The following TOLLIP variants were observed in gnomAD, a reference collection of about 807,000 sequenced individuals.
TOLLIP encodes the protein toll interacting protein, also known as toll-interacting protein.
A neutral mutation model predicts 33.5 loss-of-function variants in TOLLIP; 16 were observed. The observed-to-expected ratio is 0.48, with a 90% CI of 0.32 to 0.72. The LOEUF is 0.72. Among genes scored for constraint, TOLLIP ranks in the 30% least tolerant of loss-of-function variants. The pLI is 0.03. For missense variants in TOLLIP, 325 were observed against 396.6 expected, an observed-to-expected ratio of 0.82 and a Z score of 1.53; for synonymous variants, 176 against 163.7, an observed-to-expected ratio of 1.07 and a Z score of -0.57.
At chr11:1,291,489 C>T (rs1863940138) in intron 2 of TOLLIP, among the ~76,000 whole-genome samples, 3 of 148,756 alleles carry the variant, frequency 2.0e-5, no homozygotes, top group African/African-American at 7.5e-5. Context: ...TCCACACCAA[C>T]CCCCCTCTGA....
rs943380838 is a variant in TOLLIP at position 1,290,743 on chromosome 11, G to A, written c.184-334C>T. Among the ~76,000 whole-genome samples the A allele has an allele frequency of 6.6e-6, 1 of 152,190 alleles. No homozygotes were observed. Among genetic ancestry groups the A allele is most frequent in the East Asian group, 1.9e-4 (1 of 5,196 alleles). On this transcript the variant is annotated intron_variant, in intron 2 of 5. Coordinates refer to ENST00000317204, the MANE Select transcript of TOLLIP (RefSeq NM_019009.4). This position sits in a 1 kb window ranked among gnomAD's most constrained non-coding sequence, Gnocchi z 4.9. ...TGCCCTCCTCAGAAGTGGCTGAGGA[G>A]GGAAAGAGGAGGAGGTCCCGGGACA...
Position 1,274,802 on chromosome 11 carries a change from G to A in TOLLIP, c.*2237C>T, listed in dbSNP as rs1863232808. 6.6e-6 allele frequency: 1 copy of A among 152,118 alleles called. No individual in the cohort carries two copies. The highest frequency in any genetic ancestry group is 1.5e-5 in the Non-Finnish European group (1 of 68,038). 9.4% of individuals were successfully genotyped at this position (152,118 alleles called of 1,614,324 possible). A position where few individuals can be genotyped will look rare whatever the true frequency, so the allele number is the denominator to read the frequency against. On this transcript the variant is annotated 3_prime_UTR_variant, in exon 6 of 6. Coordinates refer to ENST00000317204, the MANE Select transcript of TOLLIP (RefSeq NM_019009.4). ...CAAACCCACTGCAGCCTCCCCTTGT[G>A]AGCTGGCAGACAAGCCTGTCCTTCT... is the stretch of plus-strand genomic sequence containing the variant.
At chr11:1,280,297 G>A (rs1863450471) in intron 5 of TOLLIP, among the ~76,000 whole-genome samples, 1 of 152,224 alleles carries the variant, frequency 6.6e-6, no homozygotes, top group African/African-American at 2.4e-5. Flanking sequence ...TGCGAACGCC[G>A]GCTGCTCCCG....
At chr11:1,288,200 C>A (rs1297422222) in intron 4 of TOLLIP, among the ~76,000 whole-genome samples, 1 of 152,198 alleles carries the variant, frequency 6.6e-6, no homozygotes, top group Non-Finnish European at 1.5e-5. Context: ...TGCCACACCA[C>A]GGCCAATGCC....
chr11:1,309,175 A>C (rs1864515462), intron 1 of TOLLIP, among the ~76,000 whole-genome samples: 1 of 152,002 alleles, frequency 6.6e-6, no homozygotes, highest in African/African-American at 2.4e-5. Context: ...GCCCGCCTCC[A>C]TCTGGGGCTC....
At chr11:1,298,143 A>T (rs932760564) in intron 1 of TOLLIP, 2 of 152,334 alleles carry the variant, frequency 1.3e-5, no homozygotes, top group South Asian at 4.1e-4. Flanking sequence ...CAGGACTAAC[A>T]TACACAGGCC....
At chr11:1,309,182 G>A (rs1161264690) in intron 1 of TOLLIP, among the ~76,000 whole-genome samples, 1 of 152,172 alleles carries the variant, frequency 6.6e-6, no homozygotes, top group Non-Finnish European at 1.5e-5. Context: ...TCCATCTGGG[G>A]CTCACAACGG....
chr11:1,306,702 G>A (rs967954620), intron 1 of TOLLIP, among the ~76,000 whole-genome samples: 7 of 151,974 alleles, frequency 4.6e-5, no homozygotes, highest in East Asian at 1.9e-4. Flanking sequence ...CCTGCCTTGC[G>A]TGTGCCAGGC....
At chr11:1,289,487 G>A (rs1863859924) in intron 3 of TOLLIP, among the ~76,000 whole-genome samples, 1 of 152,264 alleles carries the variant, frequency 6.6e-6, no homozygotes, top group African/African-American at 2.4e-5. Context: ...CCACGGACGG[G>A]ACTCAGGACC....
chr11:1,306,372 G>T (rs1033879555), intron 1 of TOLLIP, among the ~76,000 whole-genome samples: 2 of 152,052 alleles, frequency 1.3e-5, no homozygotes, highest in African/African-American at 4.8e-5. Context: ...CACGGCCCAT[G>T]GGATCTTGCC....
chr11:1,303,896 C>T lies in TOLLIP; in HGVS notation c.33+5570G>A, dbSNP rs1302358161. On this transcript the variant is annotated intron_variant, in intron 1 of 5. Transcript: ENST00000317204. This position sits in a 1 kb window ranked among gnomAD's most constrained non-coding sequence, Gnocchi z 4.2. ...ACTAAAAATACAAAAATTAGCTGGG[C>T]GTGGTGGTGGACGCCTGTAATCCCA... 6.6e-6 allele frequency among the ~76,000 whole-genome samples: 1 copy of T among 151,972 alleles called. No individual in the cohort carries two copies. Among genetic ancestry groups the T allele is most frequent in the South Asian group, 2.1e-4 (1 of 4,816 alleles).
intron 1 of TOLLIP, among the ~76,000 whole-genome samples, chr11:1,309,258 C>T (rs1481143063): frequency 6.6e-6 from 1 of 152,104 alleles, no homozygotes; most frequent in East Asian, 1.9e-4. Flanking sequence ...TGAGCTCAAG[C>T]CTCCTGCAGC....
chr11:1,283,140 G>C (rs1863560053), intron 5 of TOLLIP: 1 of 190,708 alleles, frequency 5.2e-6, no homozygotes, highest in Non-Finnish European at 1.1e-5. Flanking sequence ...CCCTGCACTG[G>C]GTAAACCTGC....
chr11:1,309,408 G>A (rs1864526792), intron 1 of TOLLIP, 58 bp downstream of exon 1: 3 of 1,083,518 alleles, frequency 2.8e-6, no homozygotes, highest in African/African-American at 1.7e-5. Context: ...CCTGACCCAA[G>A]GCCCCGCCCG....
At chr11:1,306,553 T>C (rs999006870) in intron 1 of TOLLIP, among the ~76,000 whole-genome samples, 1 of 152,090 alleles carries the variant, frequency 6.6e-6, no homozygotes, top group Admixed American at 6.5e-5. Context: ...AAAGAGGACA[T>C]GATAAATACT....
At chr11:1,286,765 A>G (rs767157606) in intron 4 of TOLLIP, among the ~76,000 whole-genome samples, 6 of 151,934 alleles carry the variant, frequency 3.9e-5, no homozygotes, top group Non-Finnish European at 8.8e-5. Flanking sequence ...TCCACTGCGG[A>G]TAAGTCATTG....
chr11:1,292,724 A>G (rs1027381099), intron 2 of TOLLIP, among the ~76,000 whole-genome samples: 2 of 152,276 alleles, frequency 1.3e-5, no homozygotes, highest in African/African-American at 2.4e-5. Context: ...CGCACGTCAG[A>G]CAGCAGACAC....
intron 1 of TOLLIP, among the ~76,000 whole-genome samples, chr11:1,299,935 C>T (rs1301158255): frequency 5.9e-5 from 9 of 152,200 alleles, no homozygotes; most frequent in African/African-American, 1.7e-4. Flanking sequence ...GAGGCGGAGG[C>T]GGAGGTGCGG....
At chr11:1,281,630 G>A (rs886527317) in intron 5 of TOLLIP, among the ~76,000 whole-genome samples, 1 of 152,234 alleles carries the variant, frequency 6.6e-6, no homozygotes, top group Non-Finnish European at 1.5e-5. Context: ...CTAAGAAGCC[G>A]GGCTCTCCTT....
Sources: gnomAD v4.1 joint callset for allele counts (sites outside exome capture counted in the v4.1 genomes callset) on GRCh38, gnomAD v4.1.1 for gene constraint, Gnocchi (gnomAD v3.1) non-coding constraint, MANE v1.5 for transcripts, NCBI Gene and HGNC (gene_info 2026-07-23, HGNC 2026-07-21) for gene names.